FCGR1A: variants seen among roughly 807,000 people sequenced by gnomAD.
FCGR1A encodes the protein Fc gamma receptor Ia.
FCGR1A carries 13 observed loss-of-function variants against 35.0 expected under a neutral mutation model. That is an observed-to-expected ratio of 0.37 (90% CI 0.24 to 0.59). The LOEUF (loss-of-function observed/expected upper bound fraction) is 0.59, where lower values mean the gene tolerates loss of function less well. FCGR1A is among the 20% of genes least tolerant of loss of function. The probability of loss-of-function intolerance (pLI) is 0.71; values close to 1 mark genes in which losing one functional copy is unlikely to be tolerated. For missense variants in FCGR1A, 227 were observed against 430.0 expected (o/e 0.53, Z 4.17); for synonymous variants, 91 against 164.7 (o/e 0.55, Z 3.43).
At chr1:149,797,760 G>A in the FCGR1A span, among the ~76,000 whole-genome samples, 1 of 152,042 alleles carries the variant, frequency 6.6e-6, no homozygotes, top group South Asian at 2.1e-4. Flanking sequence ...ACGACATCCA[G>A]CTAATTTTTG....
At chr1:149,796,517 A>G (rs2091802473), downstream of FCGR1A, among the ~76,000 whole-genome samples, 1 of 152,186 alleles carries the variant, frequency 6.6e-6, no homozygotes, top group Non-Finnish European at 1.5e-5. Flanking sequence ...AGGAGAAATG[A>G]GCATTTATAT....
chr1:149,798,982 T>A, the FCGR1A span, among the ~76,000 whole-genome samples: 1 of 144,482 alleles, frequency 6.9e-6, no homozygotes, highest in African/African-American at 2.6e-5. Flanking sequence ...TTACTTAGCT[T>A]GTTTTACTTC....
At chr1:149,798,607 T>C in the FCGR1A span, among the ~76,000 whole-genome samples, 1 of 150,564 alleles carries the variant, frequency 6.6e-6, no homozygotes, top group South Asian at 2.1e-4. Flanking sequence ...AATGTATTTT[T>C]AAACCGACTT....
At chr1:149,786,161 T>C (rs1425302100) in intron 3 of FCGR1A, 1 of 152,204 alleles carries the variant, frequency 6.6e-6, no homozygotes, top group Non-Finnish European at 1.5e-5. Context: ...TTTCCCACTC[T>C]TTTGGATATA....
At chr1:149,788,720 C>T in intron 4 of FCGR1A, 103 bp downstream of exon 4, 5 of 1,446,380 alleles carry the variant, frequency 3.5e-6, no homozygotes, top group Non-Finnish European at 4.8e-6. Flanking sequence ...AGAAACCGGG[C>T]TCCAGAGAGG....
chr1:149,800,350 C>T, the FCGR1A span, among the ~76,000 whole-genome samples: 2 of 151,914 alleles, frequency 1.3e-5, no homozygotes, highest in Admixed American at 1.3e-4. Context: ...ACTGATTAAA[C>T]CATTGGCCAT....
In FCGR1A at chr1:149,790,183, A is replaced by C; in HGVS notation, c.689A>C (p.Tyr230Ser). The change falls in exon 5 of 6, where the codon TAC (tyrosine) becomes TCC (serine). Residue 230 changes from tyrosine to serine, a missense_variant. By Grantham distance (144) the Tyr-to-Ser change is moderately radical (BLOSUM62 -2). This residue lies in a region of FCGR1A where 185 missense variants were observed against 306.6 expected (regional missense o/e 0.60). Coordinates refer to ENST00000369168, the MANE Select transcript of FCGR1A (RefSeq NM_000566.4). ...GGTTTGCAGCTTTACTTCTCCTTCT[A>C]CATGGGCAGCAAGACCCTGCGAGGC... is the stretch of plus-strand genomic sequence containing the variant. ...RPGLQLYFSFYMGSKTLRGRN... is the reference protein window; with the variant it reads ...RPGLQLYFSFSMGSKTLRGRN... The C allele has an allele frequency of 6.2e-7, 1 of 1,613,916 alleles. No homozygotes were observed. Among genetic ancestry groups the C allele is most frequent in the South Asian group, 1.1e-5 (1 of 91,060 alleles).
Position 149,785,075 on chromosome 1 carries a change from T to C in FCGR1A, c.307+818T>C, listed in dbSNP as rs1468593436. 2.0e-5 allele frequency among the ~76,000 whole-genome samples: 3 copies of C among 152,256 alleles called. No homozygotes were observed. The East Asian group carries it at 5.8e-4, about 29-fold the overall frequency. ...AAAGCCCACCACCCACTTAAACCTG[T>C]AAGGAGTTTCTATTCATCAAGAGAT... On this transcript the variant is annotated intron_variant, in intron 3 of 5. Coordinates refer to ENST00000369168, the MANE Select transcript of FCGR1A (RefSeq NM_000566.4).
chr1:149,793,086 C>A (rs7418377), downstream of FCGR1A: 1 of 1,274,436 alleles, frequency 7.8e-7, no homozygotes, highest in African/African-American at 1.6e-5. Context: ...GAGGTTGCAG[C>A]TGCCGCCAAG....
chr1:149,789,357 C>T (rs587608333), intron 4 of FCGR1A, among the ~76,000 whole-genome samples: 1 of 151,640 alleles, frequency 6.6e-6, no homozygotes, highest in African/African-American at 2.4e-5. Flanking sequence ...AGCGCCACTG[C>T]ACTCCAGCCT....
At position 149,791,490 on chromosome 1, in the gene FCGR1A, C is replaced by T. The variant is rs1553751914; in HGVS notation, c.1098C>T (p.His366=). The change falls in exon 6 of 6, where the codon CAC becomes CAT. Residue 366 remains histidine, a synonymous_variant. Coordinates refer to ENST00000369168, the MANE Select transcript of FCGR1A (RefSeq NM_000566.4). ...QKEEQLQEGV[H]RKEPQGAT Reference sequence around the variant, plus strand: ...AAGAACAGCTGCAGGAAGGGGTGCACCGGAAGGAGCCCCAGGGGGCCACGT... The same window carrying T: ...AAGAACAGCTGCAGGAAGGGGTGCATCGGAAGGAGCCCCAGGGGGCCACGT... 17 of 1,609,396 alleles carry T rather than the reference C, an allele frequency of 1.1e-5. No individual in the cohort carries two copies. In the South Asian group the frequency reaches 1.7e-4, roughly 16 times the overall value.
At position 149,785,104 on chromosome 1, in the gene FCGR1A, G is replaced by A. The variant is rs1419074034; in HGVS notation, c.307+847G>A. ...GAGTTTCTATTCATCAAGAGATGGA[G>A]ACTGCAATATTCTTCAGGGAAAAAT... On this transcript the variant is annotated intron_variant, in intron 3 of 5. Coordinates refer to ENST00000369168, the MANE Select transcript of FCGR1A (RefSeq NM_000566.4). 7.2e-5 allele frequency among the ~76,000 whole-genome samples: 11 copies of A among 152,330 alleles called. No homozygotes were observed. In the South Asian group the frequency reaches 2.3e-3, roughly 32 times the overall value.
At chr1:149,785,409 T>G (rs1425491965) in intron 3 of FCGR1A, among the ~76,000 whole-genome samples, 3 of 73,010 alleles carry the variant, frequency 4.1e-5, no homozygotes, top group South Asian at 3.9e-4. Flanking sequence ...AGCTGTTTCG[T>G]TTTTTTTTTT....
downstream of FCGR1A, chr1:149,792,823 C>T (rs1425976844): frequency 7.0e-6 from 9 of 1,278,634 alleles, 1 homozygote; most frequent in Admixed American, 2.1e-4. Flanking sequence ...GCAGCAACGG[C>T]GGCAGGCGGA....
At chr1:149,793,748 G>A (rs1482067208), downstream of FCGR1A, among the ~76,000 whole-genome samples, 2 of 151,716 alleles carry the variant, frequency 1.3e-5, no homozygotes, top group Non-Finnish European at 2.9e-5. Context: ...TCCAGGCTGG[G>A]TATGGAGACC....
At chr1:149,800,389 T>TC in the FCGR1A span, among the ~76,000 whole-genome samples, 2 of 150,756 alleles carry the variant, frequency 1.3e-5, no homozygotes, top group African/African-American at 4.9e-5. Flanking sequence ...TCAGCCCCTC[T>TC]CCCCTCCCCG....
Position 149,784,229 on chromosome 1 carries a change from T to C in FCGR1A, c.279T>C (p.Ser93=). The C allele has an allele frequency of 1.2e-6, 2 of 1,611,146 alleles. No individual in the cohort carries two copies. The highest frequency in any genetic ancestry group is 1.7e-6 in the Non-Finnish European group (2 of 1,179,812). The change falls in exon 3 of 6, where the codon AGT becomes AGC. Residue 93 remains serine (S), a synonymous_variant. Coordinates refer to ENST00000369168, the MANE Select transcript of FCGR1A (RefSeq NM_000566.4). ...GCCAGAGAGGTCTCTCAGGGCGAAG[T>C]GACCCCATACAGCTGGAAATCCACA... ...YRCQRGLSGR[S]DPIQLEIHRG...
At chr1:149,785,119 C>T (rs1179974864) in intron 3 of FCGR1A, among the ~76,000 whole-genome samples, 1 of 152,136 alleles carries the variant, frequency 6.6e-6, no homozygotes, top group African/African-American at 2.4e-5. Context: ...CAATATTCTT[C>T]AGGGAAAAAT....
chr1:149,796,498 A>C (rs2091802061), downstream of FCGR1A, among the ~76,000 whole-genome samples: 1 of 152,218 alleles, frequency 6.6e-6, no homozygotes, highest in African/African-American at 2.4e-5. Context: ...GCAGAAAAAT[A>C]CTTCGAAGAG....
Sources: allele counts gnomAD v4.1 joint callset (sites outside exome capture counted in the v4.1 genomes callset), GRCh38; gene constraint gnomAD v4.1.1; regional missense constraint gnomAD v4.1.1; transcripts MANE v1.5; gene names NCBI Gene and HGNC (gene_info 2026-07-23, HGNC 2026-07-21).